The following CORO2A variants were observed in gnomAD, a reference collection of about 807,000 sequenced individuals.
The protein encoded by CORO2A is coronin-2A.
In CORO2A, 47 loss-of-function variants were observed where a neutral mutation model predicts 62.4. That is an observed-to-expected ratio of 0.75 (90% CI 0.60 to 0.96). The LOEUF (loss-of-function observed/expected upper bound fraction) is 0.96. CORO2A is among the 40% of genes least tolerant of loss of function. The probability of loss-of-function intolerance (pLI) is 0.00; values close to 1 mark genes in which losing one functional copy is unlikely to be tolerated. For missense variants in CORO2A, 610 were observed against 684.1 expected (o/e 0.89, Z 1.21); for synonymous variants, 273 against 268.9 (o/e 1.02, Z -0.15).
intron 2 of CORO2A, among the ~76,000 whole-genome samples, chr9:98,156,649 C>A (rs893670539): frequency 6.6e-6 from 1 of 152,162 alleles, no homozygotes; most frequent in Non-Finnish European, 1.5e-5. Flanking sequence ...TTCTAATCTG[C>A]GTGATCTTTT....
At chr9:98,130,848 C>G (rs2231665) in intron 7 of CORO2A, 107 bp downstream of exon 7, 1 of 852,518 alleles carries the variant, frequency 1.2e-6, no homozygotes, top group Non-Finnish European at 1.9e-6. Flanking sequence ...GAAAGAGTGG[C>G]CAGCGAGGCC....
chr9:98,191,874 G>A (rs1463777901), intron 1 of CORO2A, among the ~76,000 whole-genome samples: 1 of 152,200 alleles, frequency 6.6e-6, no homozygotes, highest in African/African-American at 2.4e-5. Context: ...CCAGCACCTG[G>A]CCCGGGTGGG....
At chr9:98,159,740 T>G (rs979046865) in intron 1 of CORO2A, among the ~76,000 whole-genome samples, 3 of 152,008 alleles carry the variant, frequency 2.0e-5, no homozygotes, top group Non-Finnish European at 4.4e-5. Context: ...CCCTTGACAC[T>G]GTCTACCCTG....
intron 1 of CORO2A, among the ~76,000 whole-genome samples, chr9:98,165,466 G>A (rs1274729879): frequency 6.6e-6 from 1 of 152,208 alleles, no homozygotes; most frequent in Non-Finnish European, 1.5e-5. Context: ...ATATTGACTT[G>A]GTGCTTATTC....
intron 2 of CORO2A, among the ~76,000 whole-genome samples, chr9:98,144,490 C>T (rs1181081787): frequency 6.6e-6 from 1 of 152,182 alleles, no homozygotes; most frequent in Non-Finnish European, 1.5e-5. Flanking sequence ...TGAGGACATA[C>T]TATGTGCCAG....
chr9:98,154,329 G>GTATATATATATATA (rs61422672), intron 2 of CORO2A, among the ~76,000 whole-genome samples: 16 of 88,952 alleles, frequency 1.8e-4, no homozygotes, highest in African/African-American at 8.1e-4. Context: ...GTGTTTGTGT[G>GTATATATATATATA]TATATATATA....
intron 1 of CORO2A, among the ~76,000 whole-genome samples, chr9:98,158,854 CA>C (rs2118879433): frequency 6.6e-6 from 1 of 151,944 alleles, no homozygotes; most frequent in African/African-American, 2.4e-5. Flanking sequence ...CACACACACA[CA>C]CACACCATGT....
chr9:98,185,091 A>G (rs1828222149), intron 1 of CORO2A, among the ~76,000 whole-genome samples: 1 of 152,110 alleles, frequency 6.6e-6, no homozygotes, highest in Admixed American at 6.5e-5. Flanking sequence ...TCTACCCTTC[A>G]TAGTCTGGCC....
rs1827279342 is a variant in CORO2A, at chr9:98,124,003, C to T, written c.*771G>A. The stretch of plus-strand genomic sequence containing the variant: ...ACGGGGTTTCACCATGTTGGCCAGG[C>T]TGGTTTCTTTCTTTTTTTTTTTTTT... On this transcript the variant is annotated 3_prime_UTR_variant, in exon 12 of 12. Coordinates refer to ENST00000375077, the MANE Select transcript of CORO2A (RefSeq NM_052820.4). 6.8e-6 allele frequency: 1 copy of T among 147,600 alleles called. No homozygotes were observed. The highest frequency in any genetic ancestry group is 2.2e-4 in the South Asian group (1 of 4,588). The allele number at this position is 147,600 out of a possible 1,614,324, so 9.1% of individuals were successfully genotyped here.
intron 1 of CORO2A, among the ~76,000 whole-genome samples, chr9:98,184,776 C>T (rs1199033861): frequency 2.0e-5 from 3 of 152,100 alleles, no homozygotes; most frequent in Admixed American, 6.5e-5. Flanking sequence ...TGGTTAATGG[C>T]GGCTGTCTGT....
intron 1 of CORO2A, among the ~76,000 whole-genome samples, chr9:98,187,571 C>CT (rs2118946504): frequency 6.6e-6 from 1 of 152,208 alleles, no homozygotes; most frequent in South Asian, 2.1e-4. Flanking sequence ...CTGGTGAGGG[C>CT]CCACTTCCTG....
At chr9:98,156,007 C>T (rs1486815564) in intron 2 of CORO2A, among the ~76,000 whole-genome samples, 1 of 151,254 alleles carries the variant, frequency 6.6e-6, no homozygotes, top group Non-Finnish European at 1.5e-5. Context: ...TTATCTCCTT[C>T]CTCAAACTTT....
intron 11 of CORO2A, 62 bp from the exon 12 acceptor site, chr9:98,124,967 ACCACTATC>A (rs1343738921): frequency 1.3e-6 from 2 of 1,537,758 alleles, no homozygotes; most frequent in Non-Finnish European, 1.8e-6. Context: ...TGAAAGCTAA[ACCACTATC>A]CCTCTTTGAC....
In CORO2A at chr9:98,162,000, T is replaced by C. The variant is rs1335876720; in HGVS notation, c.1-4340A>G. ...ACCTCCCCTGGAGCTCACAGTCACC[T>C]CTGTGGCAATAAGAAGTCATGGTTT... is the stretch of plus-strand genomic sequence containing the variant. On this transcript the variant is annotated intron_variant, in intron 1 of 11. Transcript: ENST00000375077. Among the ~76,000 whole-genome samples the C allele has an allele frequency of 2.0e-5, 3 of 152,176 alleles. No individual in the cohort carries two copies. The East Asian group carries it at 5.8e-4, about 29-fold the overall frequency.
chr9:98,181,532 A>G (rs1828177796), intron 1 of CORO2A, among the ~76,000 whole-genome samples: 2 of 151,846 alleles, frequency 1.3e-5, no homozygotes, highest in African/African-American at 4.8e-5. Context: ...CTTGCCCTTG[A>G]TCTTTCCGAA....
At chr9:98,168,614 TAC>T (rs1246369755) in intron 1 of CORO2A, among the ~76,000 whole-genome samples, 2 of 152,230 alleles carry the variant, frequency 1.3e-5, no homozygotes, top group African/African-American at 4.8e-5. Flanking sequence ...CATAAGGTGA[TAC>T]ACACAGCATG....
chr9:98,173,082 A>G (rs760185598), intron 1 of CORO2A, among the ~76,000 whole-genome samples: 1 of 152,166 alleles, frequency 6.6e-6, no homozygotes, highest in Non-Finnish European at 1.5e-5. Context: ...AGGTGGGAGG[A>G]TCGCTTAGGG....
At chr9:98,145,336 C>T (rs1333403258) in intron 2 of CORO2A, among the ~76,000 whole-genome samples, 1 of 152,178 alleles carries the variant, frequency 6.6e-6, no homozygotes, top group Non-Finnish European at 1.5e-5. Context: ...CTGGTCCTGG[C>T]GTTGTCCTTT....
chr9:98,157,358 T>C (rs748406527), intron 2 of CORO2A, 102 bp downstream of exon 2: 2 of 1,048,040 alleles, frequency 1.9e-6, no homozygotes, highest in East Asian at 2.5e-5. Context: ...ACACAGCTAG[T>C]AATGGGCAGG....
Sources: allele counts gnomAD v4.1 joint callset (sites outside exome capture counted in the v4.1 genomes callset), GRCh38; gene constraint gnomAD v4.1.1; transcripts MANE v1.5; gene names NCBI Gene and HGNC (gene_info 2026-07-23, HGNC 2026-07-21).